Variants in HCN1 observed in about 807,000 individuals in gnomAD.
HCN1 encodes the protein potassium/sodium hyperpolarization-activated cyclic nucleotide-gated channel 1.
A neutral mutation model predicts 78.9 loss-of-function variants in HCN1; 13 were observed. That is an observed-to-expected ratio of 0.16 (90% CI 0.11 to 0.26). The LOEUF is 0.26. HCN1 is among the 10% of genes least tolerant of loss of function. HCN1 has a pLI of 1.00. For missense variants in HCN1, 810 were observed against 1,154.3 expected, an observed-to-expected ratio of 0.70 and a Z score of 4.32; for synonymous variants, 552 against 455.5, an observed-to-expected ratio of 1.21 and a Z score of -2.70.
rs141255241 is a variant in HCN1, at chr5:45,380,591, A to G, written c.1230+15901T>C. Among the ~76,000 whole-genome samples the G allele has an allele frequency of 1.1e-3, 164 of 152,246 alleles. No homozygotes were observed. In the East Asian group the frequency reaches 0.012, roughly 11 times the overall value. On this transcript the variant is annotated intron_variant, in intron 4 of 7. Coordinates refer to ENST00000303230, the MANE Select transcript of HCN1 (RefSeq NM_021072.4). The stretch of plus-strand genomic sequence containing the variant: ...TTTTCATCAGAAGAAAATGGTAAAA[A>G]TGATATATTTTATGTTACGTATGTT...
At chr5:45,351,091 A>G (rs1172424214) in intron 5 of HCN1, among the ~76,000 whole-genome samples, 1 of 152,126 alleles carries the variant, frequency 6.6e-6, no homozygotes, top group Non-Finnish European at 1.5e-5. Flanking sequence ...CAAAAGAACA[A>G]AGCTGGAGGC....
At chr5:45,343,869 A>AAT (rs2111968629) in intron 5 of HCN1, among the ~76,000 whole-genome samples, 2 of 152,056 alleles carry the variant, frequency 1.3e-5, no homozygotes, top group South Asian at 2.1e-4. Flanking sequence ...AAATAAAAAA[A>AAT]ATATATATAT....
intron 2 of HCN1, among the ~76,000 whole-genome samples, chr5:45,498,050 G>A (rs1742086529): frequency 6.6e-6 from 1 of 152,108 alleles, no homozygotes; most frequent in Admixed American, 6.5e-5. Flanking sequence ...TGGTGAATCT[G>A]ACAATTATGT....
intron 2 of HCN1, among the ~76,000 whole-genome samples, chr5:45,565,155 T>A (rs1743681055): frequency 6.6e-6 from 1 of 151,862 alleles, no homozygotes; most frequent in Non-Finnish European, 1.5e-5. Flanking sequence ...ATAAACAGGG[T>A]AGATATTTTT....
intron 2 of HCN1, among the ~76,000 whole-genome samples, chr5:45,494,476 G>A (rs1287710996): frequency 6.6e-6 from 1 of 151,650 alleles, no homozygotes; most frequent in Non-Finnish European, 1.5e-5. Context: ...ATTTGTTTGA[G>A]TTCATTGTAG....
At chr5:45,314,654 C>T (rs1257097692) in intron 5 of HCN1, among the ~76,000 whole-genome samples, 2 of 152,060 alleles carry the variant, frequency 1.3e-5, no homozygotes, top group Non-Finnish European at 2.9e-5. Flanking sequence ...CATCAGTGTG[C>T]TGTATTCAGG....
chr5:45,334,541 G>A (rs1195264406), intron 5 of HCN1, among the ~76,000 whole-genome samples: 1 of 151,296 alleles, frequency 6.6e-6, no homozygotes, highest in African/African-American at 2.4e-5. Flanking sequence ...TTTTTCCCAT[G>A]TGTTCATGTC....
intron 2 of HCN1, among the ~76,000 whole-genome samples, chr5:45,540,834 A>G (rs1472109174): frequency 6.6e-6 from 1 of 152,186 alleles, no homozygotes; most frequent in Non-Finnish European, 1.5e-5. Context: ...CTTGATGAAA[A>G]TAAGTCACTG....
intron 4 of HCN1, 72 bp from the exon 5 acceptor site, chr5:45,353,318 T>C (rs1316538765): frequency 4.2e-6 from 5 of 1,184,814 alleles, no homozygotes; most frequent in Non-Finnish European, 3.7e-6. Flanking sequence ...TATTTTGTTT[T>C]GCTATATTCA....
At chr5:45,656,012 C>G (rs184362711) in intron 1 of HCN1, among the ~76,000 whole-genome samples, 16 of 152,052 alleles carry the variant, frequency 1.1e-4, no homozygotes. Flanking sequence ...AATGCATACA[C>G]AAACTATATG....
At chr5:45,360,003 G>C (rs144333957) in intron 4 of HCN1, among the ~76,000 whole-genome samples, 5 of 149,794 alleles carry the variant, frequency 3.3e-5, no homozygotes, top group African/African-American at 9.8e-5. Flanking sequence ...ATGTCAATTT[G>C]AAATGATAAT....
chr5:45,637,860 T>TA (rs1745382905), intron 2 of HCN1, among the ~76,000 whole-genome samples: 1 of 152,174 alleles, frequency 6.6e-6, no homozygotes. Flanking sequence ...TATTGCATTG[T>TA]ATATTGACAG....
intron 1 of HCN1, among the ~76,000 whole-genome samples, chr5:45,684,470 A>T (rs930569509): frequency 1.3e-5 from 2 of 152,230 alleles, no homozygotes; most frequent in Admixed American, 1.3e-4. Context: ...TATCAAATTT[A>T]TTGTTTAGAA....
intron 5 of HCN1, among the ~76,000 whole-genome samples, chr5:45,338,109 C>A (rs1244866796): frequency 6.6e-6 from 1 of 152,094 alleles, no homozygotes; most frequent in Non-Finnish European, 1.5e-5. Flanking sequence ...AAAGGAGAGT[C>A]TGAACTATAA....
chr5:45,346,037 CCTT>C (rs1339016878), intron 5 of HCN1, among the ~76,000 whole-genome samples: 2 of 152,200 alleles, frequency 1.3e-5, no homozygotes, highest in Non-Finnish European at 2.9e-5. Flanking sequence ...GCAAACACGT[CCTT>C]CTTTGCTTGG....
intron 5 of HCN1, among the ~76,000 whole-genome samples, chr5:45,348,150 G>A (rs1200710894): frequency 2.0e-5 from 3 of 152,170 alleles, no homozygotes; most frequent in Non-Finnish European, 2.9e-5. Flanking sequence ...AAGCCCATCA[G>A]ACTAACAGCA....
intron 6 of HCN1, among the ~76,000 whole-genome samples, chr5:45,268,356 T>C (rs1278642442): frequency 1.3e-5 from 2 of 152,236 alleles, no homozygotes; most frequent in East Asian, 3.8e-4. Flanking sequence ...TTTGATTATT[T>C]TTAATTTGGA....
intron 2 of HCN1, among the ~76,000 whole-genome samples, chr5:45,502,184 G>C (rs569161965): frequency 6.1e-4 from 92 of 152,006 alleles, no homozygotes; most frequent in African/African-American, 2.2e-3. Context: ...ATGACAAAAT[G>C]AAGCCGGGTG....
intron 2 of HCN1, among the ~76,000 whole-genome samples, chr5:45,632,571 AT>A (rs1745287775): frequency 6.6e-6 from 1 of 152,068 alleles, no homozygotes; most frequent in Admixed American, 6.6e-5. Context: ...CCTCTCACTT[AT>A]TAGAAAATAG....
Sources: gnomAD v4.1 joint callset for allele counts (sites outside exome capture counted in the v4.1 genomes callset) on GRCh38, gnomAD v4.1.1 for gene constraint, MANE v1.5 for transcripts, NCBI Gene and HGNC (gene_info 2026-07-23, HGNC 2026-07-21) for gene names.